The following RBFOX1 variants were observed in gnomAD, a reference collection of about 807,000 sequenced individuals.
The protein encoded by RBFOX1 is RNA binding fox-1 homolog 1, also known as RNA binding protein fox-1 homolog 1.
RBFOX1 carries 8 observed loss-of-function variants against 57.7 expected under a neutral mutation model. The observed-to-expected ratio is 0.14, with a 90% CI of 0.08 to 0.25. The LOEUF is 0.25. Ranked by LOEUF, RBFOX1 falls within the 10% of genes least tolerant of loss-of-function variation. RBFOX1 has a pLI of 1.00. For missense variants in RBFOX1, 611 were observed against 548.5 expected (o/e 1.11, Z -1.14); for synonymous variants, 326 against 222.4 (o/e 1.47, Z -4.15).
At chr16:6,637,912 C>T (rs2098458501) in intron 2 of RBFOX1, among the ~76,000 whole-genome samples, 2 of 152,014 alleles carry the variant, frequency 1.3e-5, no homozygotes, top group Middle Eastern at 3.2e-3. Context: ...AGGGATTTTA[C>T]CCAAAAATGG....
At chr16:6,493,016 C>T (rs889224192) in intron 2 of RBFOX1, among the ~76,000 whole-genome samples, 3 of 152,100 alleles carry the variant, frequency 2.0e-5, no homozygotes, top group African/African-American at 7.2e-5. Flanking sequence ...AAGATTACAC[C>T]TTTATTCTTT....
At chr16:7,204,222 C>T (rs549903813) in intron 4 of RBFOX1, among the ~76,000 whole-genome samples, 4 of 152,210 alleles carry the variant, frequency 2.6e-5, no homozygotes, top group Non-Finnish European at 5.9e-5. Context: ...CATCCTACCT[C>T]TCATCTCTTG....
intron 4 of RBFOX1, among the ~76,000 whole-genome samples, chr16:7,244,779 G>A (rs2094219811): frequency 6.6e-6 from 1 of 152,210 alleles, no homozygotes; most frequent in Admixed American, 6.5e-5. Context: ...ACACTCGAAG[G>A]AGGCAGGCTG....
chr16:5,562,399 G>A (rs2045920066), intron 2 of RBFOX1, among the ~76,000 whole-genome samples: 1 of 152,116 alleles, frequency 6.6e-6, no homozygotes, highest in African/African-American at 2.4e-5. Context: ...TGTCACTTTT[G>A]GTTATGTGTT....
At chr16:7,295,415 C>A (rs950154506) in intron 4 of RBFOX1, among the ~76,000 whole-genome samples, 6 of 152,010 alleles carry the variant, frequency 3.9e-5, no homozygotes, top group African/African-American at 1.5e-4. Flanking sequence ...AATAGAAATA[C>A]CTCATAATAA....
chr16:5,451,197 T>C (rs935222355), intron 1 of RBFOX1, among the ~76,000 whole-genome samples: 2 of 152,134 alleles, frequency 1.3e-5, no homozygotes, highest in African/African-American at 4.8e-5. Context: ...CTCTGATTGG[T>C]TCCAGTTGTT....
Position 6,682,586 on chromosome 16 carries a change from G to C in RBFOX1, c.-16+27936G>C, listed in dbSNP as rs565375762. Among the ~76,000 whole-genome samples the C allele has an allele frequency of 4.0e-3, 605 of 152,108 alleles. 4 individuals carry two copies. The highest frequency in any genetic ancestry group is 0.014 in the African/African-American group (579 of 41,470). ...TGCGGAGAGTGTCCTGTGCATTGTG[G>C]GTGCTGAGCAGCAGTTCTGGCCTCC... On this transcript the variant is annotated intron_variant, in intron 3 of 15. Coordinates refer to ENST00000550418, the MANE Select transcript of RBFOX1 (RefSeq NM_018723.4).
chr16:7,700,480 G>T (rs1034371491), intron 14 of RBFOX1, among the ~76,000 whole-genome samples: 1 of 152,150 alleles, frequency 6.6e-6, no homozygotes, highest in African/African-American at 2.4e-5. Flanking sequence ...CTGCTTCATG[G>T]AAGGGTATTG....
chr16:5,703,883 C>G (rs1180886620), intron 3 of RBFOX1, among the ~76,000 whole-genome samples: 2 of 152,136 alleles, frequency 1.3e-5, no homozygotes, highest in Non-Finnish European at 2.9e-5. Flanking sequence ...GCATGGCTTA[C>G]AAAGGTGCTT....
chr16:6,476,814 ACTT>A (rs2095280528), intron 2 of RBFOX1, among the ~76,000 whole-genome samples: 1 of 152,206 alleles, frequency 6.6e-6, no homozygotes, highest in Non-Finnish European at 1.5e-5. Context: ...CTAACGTAGA[ACTT>A]CTTTCAGAAT....
chr16:6,837,976 C>G (rs990839213), intron 3 of RBFOX1, among the ~76,000 whole-genome samples: 1 of 151,234 alleles, frequency 6.6e-6, no homozygotes, highest in Non-Finnish European at 1.5e-5. Context: ...GTTACCACCC[C>G]TTTCCATGGC....
intron 3 of RBFOX1, among the ~76,000 whole-genome samples, chr16:5,708,740 T>A (rs1271954199): frequency 6.6e-6 from 1 of 152,208 alleles, no homozygotes; most frequent in African/African-American, 2.4e-5. Context: ...TAAAAATCCA[T>A]CTTGGGGATA....
rs566753627 is a variant in RBFOX1, at chr16:5,946,600, C to T, written c.351+79265C>T. On this transcript the variant is annotated intron_variant, in intron 4 of 19. Coordinates refer to the RBFOX1 transcript ENST00000641259. The surrounding 1 kb of genome is among the most constrained non-coding windows in gnomAD (Gnocchi z 4.6). The stretch of plus-strand genomic sequence containing the variant: ...CTGAGTTATATCCTTTACGATATAC[C>T]GGTAATAGTAATTTCCTAAATTCTG... 1.4e-4 allele frequency among the ~76,000 whole-genome samples: 21 copies of T among 152,162 alleles called. No homozygotes were observed. The highest frequency in any genetic ancestry group is 6.2e-4 in the South Asian group (3 of 4,816).
At chr16:6,860,628 A>C (rs1475742215) in intron 3 of RBFOX1, among the ~76,000 whole-genome samples, 1 of 152,196 alleles carries the variant, frequency 6.6e-6, no homozygotes, top group Non-Finnish European at 1.5e-5. Context: ...GGAAGACAAC[A>C]ATCAACCAGA....
chr16:7,111,891 C>G (rs879774285), intron 4 of RBFOX1, among the ~76,000 whole-genome samples: 2 of 152,002 alleles, frequency 1.3e-5, no homozygotes, highest in Admixed American at 6.6e-5. Flanking sequence ...AAGCTGCTGA[C>G]TGGCTGATTT....
At chr16:6,822,239 C>T (rs2091432224) in intron 3 of RBFOX1, among the ~76,000 whole-genome samples, 1 of 152,080 alleles carries the variant, frequency 6.6e-6, no homozygotes, top group South Asian at 2.1e-4. Flanking sequence ...GGCAGATTTC[C>T]CTTGAGTATC....
At chr16:7,256,882 A>G (rs1383634591) in intron 4 of RBFOX1, among the ~76,000 whole-genome samples, 1 of 152,062 alleles carries the variant, frequency 6.6e-6, no homozygotes, top group Non-Finnish European at 1.5e-5. Flanking sequence ...GGGCATCTGA[A>G]AGTCCATCAC....
intron 2 of RBFOX1, among the ~76,000 whole-genome samples, chr16:6,608,188 C>G (rs1830513507): frequency 6.6e-6 from 1 of 152,088 alleles, no homozygotes; most frequent in Non-Finnish European, 1.5e-5. Context: ...AGTCTGTATC[C>G]TTGGTATCAT....
intron 1 of RBFOX1, among the ~76,000 whole-genome samples, chr16:6,123,051 C>T (rs1450583892): frequency 2.0e-5 from 3 of 151,928 alleles, no homozygotes; most frequent in African/African-American, 7.3e-5. Context: ...AAAATCTTTG[C>T]ATAACTTAGG....
Sources: gnomAD v4.1 joint callset for allele counts (sites outside exome capture counted in the v4.1 genomes callset) on GRCh38, gnomAD v4.1.1 for gene constraint, Gnocchi (gnomAD v3.1) non-coding constraint, MANE v1.5 for transcripts, NCBI Gene and HGNC (gene_info 2026-07-23, HGNC 2026-07-21) for gene names.